ANKRD30BL: variants seen among roughly 807,000 people sequenced by gnomAD.
ANKRD30BL encodes the protein putative ankyrin repeat domain-containing protein 30B-like.
ANKRD30BL carries 20 observed loss-of-function variants against 18.4 expected under a neutral mutation model. The observed-to-expected ratio is 1.09, with a 90% CI of 0.77 to 1.58. The LOEUF (loss-of-function observed/expected upper bound fraction) is 1.58, where lower values mean the gene tolerates loss of function less well. Ranked by LOEUF, ANKRD30BL falls within the 40% of genes most tolerant of loss-of-function variation. The pLI, the probability that ANKRD30BL is intolerant of heterozygous loss-of-function variation, is 0.00. For missense variants in ANKRD30BL, 224 were observed against 268.6 expected (o/e 0.83, Z 1.16); for synonymous variants, 72 against 100.9 (o/e 0.71, Z 1.72).
intron 1 of ANKRD30BL, among the ~76,000 whole-genome samples, chr2:132,185,756 A>G (rs1170551635): frequency 1.3e-5 from 2 of 152,182 alleles, no homozygotes; most frequent in Admixed American, 1.3e-4. Context: ...CCTCAGTAGT[A>G]TTCTATATAT....
At chr2:132,184,225 A>G (rs1295674864) in intron 1 of ANKRD30BL, among the ~76,000 whole-genome samples, 6 of 152,100 alleles carry the variant, frequency 3.9e-5, no homozygotes, top group Admixed American at 2.6e-4. Flanking sequence ...GGCACCTGCC[A>G]CCATGCCTGG....
At chr2:132,253,940 C>G (rs995500535) in intron 1 of ANKRD30BL, among the ~76,000 whole-genome samples, 3 of 152,028 alleles carry the variant, frequency 2.0e-5, no homozygotes, top group Non-Finnish European at 4.4e-5. Context: ...GCGATGGGAA[C>G]CTGGCCAGCC....
intron 3 of ANKRD30BL, chr2:132,156,310 T>C (rs1178092327): frequency 1.3e-5 from 2 of 152,284 alleles, no homozygotes; most frequent in Admixed American, 6.5e-5. Flanking sequence ...TAAAAAATAT[T>C]CTAAATTTTA....
At chr2:132,220,381 C>T (rs557013844) in intron 1 of ANKRD30BL, among the ~76,000 whole-genome samples, 18 of 139,988 alleles carry the variant, frequency 1.3e-4, no homozygotes, top group East Asian at 8.5e-4. Flanking sequence ...CCTCTCCCCA[C>T]GGTCTCCTTC....
At chr2:132,221,600 A>C (rs1215288789) in intron 1 of ANKRD30BL, among the ~76,000 whole-genome samples, 1 of 71,002 alleles carries the variant, frequency 1.4e-5, no homozygotes, top group East Asian at 4.8e-4. Context: ...AGGTGGGGGG[A>C]TCAGCCCCCC....
intron 1 of ANKRD30BL, among the ~76,000 whole-genome samples, chr2:132,220,437 C>A (rs1167270253): frequency 6.6e-6 from 1 of 151,744 alleles, no homozygotes; most frequent in Non-Finnish European, 1.5e-5. Flanking sequence ...TGTACTGCTG[C>A]GATCTCGGCT....
At chr2:132,166,207 G>A (rs1486813202), upstream of ANKRD30BL, among the ~76,000 whole-genome samples, 2 of 152,078 alleles carry the variant, frequency 1.3e-5, no homozygotes, top group East Asian at 3.8e-4. Flanking sequence ...AGTATTTTGT[G>A]AAGGATTATT....
chr2:132,196,830 AG>A (rs1201259751), intron 1 of ANKRD30BL, among the ~76,000 whole-genome samples: 1 of 152,140 alleles, frequency 6.6e-6, no homozygotes, highest in Admixed American at 6.6e-5. Flanking sequence ...AAAAAATAAA[AG>A]CTCTAGAAAT....
intron 1 of ANKRD30BL, among the ~76,000 whole-genome samples, chr2:132,198,704 C>T (rs1232834110): frequency 1.1e-4 from 16 of 151,776 alleles, no homozygotes; most frequent in Middle Eastern, 3.4e-3. Context: ...CTTCAACCTC[C>T]GCCTCCAGGT....
chr2:132,245,624 A>C (rs1680477222), intron 1 of ANKRD30BL, among the ~76,000 whole-genome samples: 1 of 152,288 alleles, frequency 6.6e-6, no homozygotes, highest in Admixed American at 6.5e-5. Flanking sequence ...TTCCCATGAA[A>C]ACTAGACACA....
intron 1 of ANKRD30BL, among the ~76,000 whole-genome samples, chr2:132,212,009 C>A (rs1679370275): frequency 6.6e-6 from 1 of 151,990 alleles, no homozygotes; most frequent in South Asian, 2.1e-4. Context: ...AGTTTGGAAA[C>A]ACTCTTTTTG....
intron 1 of ANKRD30BL, among the ~76,000 whole-genome samples, chr2:132,197,997 C>G (rs1678999174): frequency 1.3e-5 from 2 of 151,740 alleles, no homozygotes; most frequent in Admixed American, 1.3e-4. Flanking sequence ...TAGATTTACT[C>G]AAATAAAAAT....
At chr2:132,196,068 G>A (rs1421430621) in intron 1 of ANKRD30BL, among the ~76,000 whole-genome samples, 4 of 151,294 alleles carry the variant, frequency 2.6e-5, no homozygotes, top group Non-Finnish European at 5.9e-5. Context: ...CGTGAACCTG[G>A]GAGGCAGAGC....
At chr2:132,215,547 G>A (rs575348344) in intron 1 of ANKRD30BL, among the ~76,000 whole-genome samples, 1 of 152,324 alleles carries the variant, frequency 6.6e-6, no homozygotes, top group South Asian at 2.1e-4. Context: ...TTAGACAGAA[G>A]CATTCTGACA....
chr2:132,174,398 G>A (rs1196423145), intron 1 of ANKRD30BL, among the ~76,000 whole-genome samples: 2 of 152,094 alleles, frequency 1.3e-5, no homozygotes, highest in African/African-American at 4.8e-5. Context: ...GCTTAATGTG[G>A]ACATCTATAA....
intron 1 of ANKRD30BL, among the ~76,000 whole-genome samples, chr2:132,221,393 C>T (rs1679676486): frequency 7.2e-6 from 1 of 139,294 alleles, no homozygotes; most frequent in African/African-American, 2.9e-5. Context: ...CCTGCCCGGC[C>T]AGCCGCCCCG....
chr2:132,252,469 T>A (rs77288079), intron 1 of ANKRD30BL, among the ~76,000 whole-genome samples: 1 of 144,934 alleles, frequency 6.9e-6, no homozygotes, highest in East Asian at 2.1e-4. Context: ...ACCATGGCCA[T>A]GAGCACTGCC....
intron 1 of ANKRD30BL, among the ~76,000 whole-genome samples, chr2:132,224,780 C>T (rs200774546): frequency 1.3e-4 from 20 of 152,022 alleles, no homozygotes; most frequent in South Asian, 8.3e-4. Context: ...ATATTTTGAC[C>T]GCTTTGAGGC....
chr2:132,221,257 C>T (rs1385039020), intron 1 of ANKRD30BL, among the ~76,000 whole-genome samples: 1 of 147,756 alleles, frequency 6.8e-6, no homozygotes, highest in East Asian at 2.1e-4. Context: ...CTCTGCCCGG[C>T]CGCCCCTACT....
Sources: allele counts gnomAD v4.1 joint callset (sites outside exome capture counted in the v4.1 genomes callset), GRCh38; gene constraint gnomAD v4.1.1; transcripts MANE v1.5; gene names NCBI Gene and HGNC (gene_info 2026-07-23, HGNC 2026-07-21).